The following DRGX variants were observed in gnomAD, a reference collection of about 807,000 sequenced individuals.
DRGX encodes dorsal root ganglia homeobox protein.
A neutral mutation model predicts 28.6 loss-of-function variants in DRGX; 21 were observed. The observed-to-expected ratio is 0.73, with a 90% CI of 0.52 to 1.06. The LOEUF is 1.06. Ranked by LOEUF, DRGX falls within the 50% of genes least tolerant of loss-of-function variation. The pLI, the probability that DRGX is intolerant of heterozygous loss-of-function variation, is 0.00. For synonymous variants in DRGX, 136 were observed against 139.1 expected, an observed-to-expected ratio of 0.98 and a Z score of 0.16; for missense variants, 354 against 343.9, an observed-to-expected ratio of 1.03 and a Z score of -0.23.
At chr10:49,382,501 T>C (rs1382486381) in intron 6 of DRGX, among the ~76,000 whole-genome samples, 1 of 152,192 alleles carries the variant, frequency 6.6e-6, no homozygotes, top group African/African-American at 2.4e-5. Flanking sequence ...GGCTATGTCA[T>C]AGCCCAGAGC....
chr10:49,394,754 G>A (rs375525872), intron 2 of DRGX, among the ~76,000 whole-genome samples: 2 of 152,238 alleles, frequency 1.3e-5, no homozygotes, highest in African/African-American at 4.8e-5. Flanking sequence ...GACACTCAAA[G>A]ATGGAAATTC....
chr10:49,380,407 C>T (rs1342778467), intron 6 of DRGX, among the ~76,000 whole-genome samples: 2 of 152,212 alleles, frequency 1.3e-5, no homozygotes, highest in African/African-American at 4.8e-5. Context: ...CATTAATAAC[C>T]TCCTCTGCAT....
intron 6 of DRGX, among the ~76,000 whole-genome samples, chr10:49,371,177 A>C (rs1849655200): frequency 6.6e-6 from 1 of 152,214 alleles, no homozygotes; most frequent in African/African-American, 2.4e-5. Flanking sequence ...TTGATTTCTC[A>C]GTGATCTGAC....
chr10:49,388,559 A>T (rs1849865587), intron 4 of DRGX, among the ~76,000 whole-genome samples: 1 of 152,274 alleles, frequency 6.6e-6, no homozygotes, highest in Non-Finnish European at 1.5e-5. Context: ...GGGCAGTTAA[A>T]TGCAAAGCAA....
At chr10:49,377,921 C>T (rs1849733322) in intron 6 of DRGX, among the ~76,000 whole-genome samples, 1 of 152,296 alleles carries the variant, frequency 6.6e-6, no homozygotes, top group Middle Eastern at 3.4e-3. Flanking sequence ...AAAAAAACCA[C>T]AGGCCCATCT....
At chr10:49,384,233 G>A (rs1274831927) in intron 6 of DRGX, among the ~76,000 whole-genome samples, 1 of 152,216 alleles carries the variant, frequency 6.6e-6, no homozygotes, top group African/African-American at 2.4e-5. Flanking sequence ...GAGCTCATTT[G>A]TAACTGGGGG....
At chr10:49,391,874 A>G in intron 2 of DRGX, 1 of 520,554 alleles carries the variant, frequency 1.9e-6, no homozygotes, top group Non-Finnish European at 4.0e-6. Context: ...TGGATCTGTT[A>G]TATAGATGTC....
At position 49,395,452 on chromosome 10, in the gene DRGX, A is replaced by G; in HGVS notation, c.-12T>C. 6.5e-7 allele frequency: 1 copy of G among 1,550,190 alleles called. No individual in the cohort carries two copies. The highest frequency in any genetic ancestry group is 1.7e-4 in the Middle Eastern group (1 of 5,992). On this transcript the variant is annotated 5_prime_UTR_variant, in exon 2 of 7. Transcript: ENST00000374139. Reference sequence around the variant, plus strand: ...TGGAAATAAAACATCGCCGGCTGTCAGATCGGCTGGACGGCCGAGACCTGG... The same window carrying G: ...TGGAAATAAAACATCGCCGGCTGTCGGATCGGCTGGACGGCCGAGACCTGG...
chr10:49,394,882 G>A (rs1849948257), intron 2 of DRGX, among the ~76,000 whole-genome samples: 1 of 152,232 alleles, frequency 6.6e-6, no homozygotes, highest in African/African-American at 2.4e-5. Context: ...GGACGGCCAG[G>A]AGGCCGGGAA....
chr10:49,383,692 C>T (rs1040136617), intron 6 of DRGX, among the ~76,000 whole-genome samples: 5 of 152,320 alleles, frequency 3.3e-5, no homozygotes, highest in South Asian at 2.1e-4. Context: ...GCGGAGCTCT[C>T]GTGAATGGGA....
At chr10:49,395,320 C>A (rs1849955273) in intron 2 of DRGX, 87 bp downstream of exon 2, 2 of 1,508,080 alleles carry the variant, frequency 1.3e-6, no homozygotes, top group African/African-American at 1.4e-5. Flanking sequence ...GGGCGGGGAC[C>A]CAGCCACCCA....
intron 2 of DRGX, among the ~76,000 whole-genome samples, chr10:49,392,621 C>A (rs1205860353): frequency 6.6e-6 from 1 of 152,186 alleles, no homozygotes; most frequent in Non-Finnish European, 1.5e-5. Context: ...TTCGCTCAGT[C>A]TTCTAATTTA....
In DRGX at chr10:49,369,631, C is replaced by T. The variant is rs1443886761; in HGVS notation, c.527-3250G>A. Among the ~76,000 whole-genome samples the T allele has an allele frequency of 3.3e-5, 5 of 152,188 alleles. No individual in the cohort carries two copies. In the South Asian group the frequency reaches 6.2e-4, roughly 19 times the overall value. ...GGGAATTGTTCGCCGGTCAGAGCTT[C>T]GGTTTTGCAAGATGAAGAGTTCAGG... On this transcript the variant is annotated intron_variant, in intron 6 of 6. Coordinates refer to ENST00000374139, the MANE Select transcript of DRGX (RefSeq NM_001276451.2).
At position 49,365,784 on chromosome 10, in the gene DRGX, G is replaced by A. The variant is rs904817057; in HGVS notation, c.*332C>T. 4.3e-6 allele frequency: 1 copy of A among 230,980 alleles called. No homozygotes were observed. Among genetic ancestry groups the A allele is most frequent in the South Asian group, 1.8e-4 (1 of 5,618 alleles). The allele number at this position is 230,980 out of a possible 1,614,324, so 14.3% of individuals were successfully genotyped here. ...CAAAGGCAGCCCAGGGAGGAAATAGGAAGGGAGACGGATGAGGAATCTACC... is the reference window on the plus strand; with the variant it reads ...CAAAGGCAGCCCAGGGAGGAAATAGAAAGGGAGACGGATGAGGAATCTACC... On this transcript the variant is annotated 3_prime_UTR_variant, in exon 7 of 7. Coordinates refer to ENST00000374139, the MANE Select transcript of DRGX (RefSeq NM_001276451.2).
At chr10:49,379,327 A>T (rs949062378) in intron 6 of DRGX, among the ~76,000 whole-genome samples, 1 of 152,220 alleles carries the variant, frequency 6.6e-6, no homozygotes, top group Admixed American at 6.5e-5. Context: ...GGCCATTTGG[A>T]TGCTTGAAAC....
intron 4 of DRGX, among the ~76,000 whole-genome samples, chr10:49,389,366 C>T (rs532126882): frequency 1.3e-5 from 2 of 152,184 alleles, no homozygotes; most frequent in South Asian, 4.2e-4. Context: ...TAACCCCAAG[C>T]CCCTACATAA....
chr10:49,381,301 C>T (rs1849773683), intron 6 of DRGX, among the ~76,000 whole-genome samples: 1 of 152,248 alleles, frequency 6.6e-6, no homozygotes, highest in African/African-American at 2.4e-5. Flanking sequence ...TCTGCCACAC[C>T]TGCACCTGTG....
intron 6 of DRGX, among the ~76,000 whole-genome samples, chr10:49,374,189 TGG>T (rs1849693387): frequency 6.6e-6 from 1 of 152,182 alleles, no homozygotes; most frequent in African/African-American, 2.4e-5. Flanking sequence ...ATTCAGACGA[TGG>T]TGACAGATGT....
chr10:49,394,379 C>T (rs1849942754), intron 2 of DRGX, among the ~76,000 whole-genome samples: 3 of 152,230 alleles, frequency 2.0e-5, no homozygotes, highest in African/African-American at 7.2e-5. Context: ...TAGCGCCTCA[C>T]AACATATACC....
Sources: allele counts gnomAD v4.1 joint callset (sites outside exome capture counted in the v4.1 genomes callset), GRCh38; gene constraint gnomAD v4.1.1; transcripts MANE v1.5; gene names NCBI Gene and HGNC (gene_info 2026-07-23, HGNC 2026-07-21).